HNRNPA3: variants seen among roughly 807,000 people sequenced by gnomAD.
HNRNPA3 encodes epididymis secretory sperm binding protein.
In HNRNPA3, 3 loss-of-function variants were observed where a neutral mutation model predicts 45.8. That is an observed-to-expected ratio of 0.07 (90% confidence interval 0.03 to 0.17). HNRNPA3 has a LOEUF of 0.17. Among genes scored for constraint, HNRNPA3 ranks in the 10% least tolerant of loss-of-function variants. HNRNPA3 has a pLI of 1.00. For missense variants in HNRNPA3, 183 were observed against 480.3 expected (o/e 0.38, Z 5.79); for synonymous variants, 170 against 155.6 (o/e 1.09, Z -0.69).
chr2:177,213,012 G>A, intron 1 of HNRNPA3, 141 bp downstream of exon 1: 2 of 532,964 alleles, frequency 3.8e-6, no homozygotes, highest in Non-Finnish European at 6.3e-6. Flanking sequence ...GGAGGGGAGC[G>A]AGAGTTGGAG....
chr2:177,216,098 A>G (rs1688920799), exon 4 of HNRNPA3: 1 of 1,561,330 alleles, frequency 6.4e-7, no homozygotes, highest in Non-Finnish European at 8.7e-7. Context: ...GATTGAAACC[A>G]TAGAAGTTAT....
At chr2:177,215,385 G>A (rs935541647) in intron 1 of HNRNPA3, among the ~76,000 whole-genome samples, 154 bp from the exon 2 acceptor site, 3 of 152,156 alleles carry the variant, frequency 2.0e-5, no homozygotes, top group Admixed American at 6.6e-5. Flanking sequence ...ATGAGACATC[G>A]CGCCGGTGTC....
exon 7 of HNRNPA3, chr2:177,216,892 GGTA>G: frequency 6.2e-7 from 1 of 1,601,438 alleles, no homozygotes; most frequent in Non-Finnish European, 8.5e-7. Flanking sequence ...TGGCAGCAGA[GGTA>G]GTTATGGAGG....
chr2:177,216,495 A>T lies in HNRNPA3; in HGVS notation c.554-8A>T. On this transcript the variant is annotated splice_polypyrimidine_tract_variant and splice_region_variant and intron_variant, in intron 4 of 10. Coordinates refer to ENST00000392524, the Ensembl canonical transcript of HNRNPA3. ...CTTTTTGTTTTGTTTGATTGAAAAA[A>T]AATTTAGTTCAGAAATACCACACTA... 1.2e-6 allele frequency: 2 copies of T among 1,608,016 alleles called. No individual in the cohort carries two copies. Among genetic ancestry groups the T allele is most frequent in the Non-Finnish European group, 1.7e-6 (2 of 1,176,634 alleles).
At chr2:177,215,397 G>T in intron 1 of HNRNPA3, 142 bp from the exon 2 acceptor site, 1 of 859,576 alleles carries the variant, frequency 1.2e-6, no homozygotes, top group Non-Finnish European at 1.8e-6. Context: ...GCCGGTGTCT[G>T]GTCAAAGTTT....
intron 1 of HNRNPA3, 51 bp from the exon 2 acceptor site, chr2:177,215,488 C>G (rs765069742): frequency 6.3e-7 from 1 of 1,585,346 alleles, no homozygotes; most frequent in Admixed American, 1.7e-5. Context: ...CTTCGTGCAT[C>G]TTAATTCATC....
downstream of HNRNPA3, chr2:177,220,899 ATG>A (rs1689163728): frequency 6.6e-6 from 1 of 152,590 alleles, no homozygotes; most frequent in Non-Finnish European, 1.5e-5. Context: ...AGCCCTGAGT[ATG>A]TGCCCTGCTG....
Position 177,216,490 on chromosome 2 carries a change from A to G in HNRNPA3, c.554-13A>G. On this transcript the variant is annotated splice_polypyrimidine_tract_variant and intron_variant, in intron 4 of 10. Coordinates refer to ENST00000392524, the Ensembl canonical transcript of HNRNPA3. The stretch of plus-strand genomic sequence containing the variant: ...AATAACTTTTTGTTTTGTTTGATTG[A>G]AAAAAAATTTAGTTCAGAAATACCA... 2 of 1,591,608 alleles carry G rather than the reference A, an allele frequency of 1.3e-6. 1 individual carries two copies. The highest frequency in any genetic ancestry group is 1.7e-6 in the Non-Finnish European group (2 of 1,162,858).
chr2:177,216,475 T>C (rs753026676), intron 4 of HNRNPA3, 28 bp from the exon 5 acceptor site: 7 of 1,532,052 alleles, frequency 4.6e-6, no homozygotes, highest in Non-Finnish European at 6.3e-6. Flanking sequence ...AATAACTTTT[T>C]GTTTTGTTTG....
At chr2:177,223,209 G>A (rs570719107), downstream of HNRNPA3, 8 of 152,214 alleles carry the variant, frequency 5.3e-5, no homozygotes, top group Middle Eastern at 3.4e-3. Context: ...CAATTTCTAC[G>A]CGTGTTGAAT....
intron 7 of HNRNPA3, among the ~76,000 whole-genome samples, chr2:177,217,480 A>G (rs909886355): frequency 3.3e-5 from 5 of 152,322 alleles, no homozygotes; most frequent in African/African-American, 1.2e-4. Flanking sequence ...AGAAAAATAA[A>G]ATAGGGGAAC....
At chr2:177,220,222 C>T (rs191872996), downstream of HNRNPA3, 30 of 152,732 alleles carry the variant, frequency 2.0e-4, no homozygotes, top group African/African-American at 7.0e-4. Context: ...TAGAACATCT[C>T]TATTCTACAT....
chr2:177,213,955 A>G (rs999256901), intron 1 of HNRNPA3, among the ~76,000 whole-genome samples: 6 of 152,254 alleles, frequency 3.9e-5, no homozygotes, highest in Non-Finnish European at 8.8e-5. Flanking sequence ...AGATTACATG[A>G]ATTAATGCTT....
intron 1 of HNRNPA3, among the ~76,000 whole-genome samples, chr2:177,215,171 T>C (rs1688878893): frequency 6.6e-6 from 1 of 152,112 alleles, no homozygotes; most frequent in Non-Finnish European, 1.5e-5. Flanking sequence ...GACATGATCT[T>C]GGCTCACCGC....
chr2:177,217,075 G>A, intron 7 of HNRNPA3, 135 bp downstream of exon 7: 8 of 935,688 alleles, frequency 8.5e-6, no homozygotes, highest in Non-Finnish European at 1.2e-5. Context: ...ACTGTACATG[G>A]AAGAACAGGA....
downstream of HNRNPA3, chr2:177,221,225 A>G (rs888647107): frequency 3.9e-5 from 6 of 152,694 alleles, no homozygotes; most frequent in African/African-American, 1.4e-4. Flanking sequence ...TAAGTCCTAA[A>G]TAACTTCAAG....
At chr2:177,223,062 A>C (rs1471637143), downstream of HNRNPA3, 1 of 152,544 alleles carries the variant, frequency 6.6e-6, no homozygotes. Flanking sequence ...CGGATAGTTT[A>C]CTTAAAAAAA....
At chr2:177,222,217 C>T (rs1019439016), downstream of HNRNPA3, 1 of 152,540 alleles carries the variant, frequency 6.6e-6, no homozygotes, top group African/African-American at 2.4e-5. Flanking sequence ...AACTTTGTCC[C>T]TCTCTAGTAG....
At chr2:177,212,967 C>G (rs1366844957) in intron 1 of HNRNPA3, 96 bp downstream of exon 1, 9 of 816,406 alleles carry the variant, frequency 1.1e-5, no homozygotes, top group Non-Finnish European at 1.4e-5. Context: ...GGTCGGCCGT[C>G]CCGCGCTCTT....
Sources: allele counts gnomAD v4.1 joint callset (sites outside exome capture counted in the v4.1 genomes callset), GRCh38; gene constraint gnomAD v4.1.1; transcripts MANE v1.5; gene names NCBI Gene and HGNC (gene_info 2026-07-23, HGNC 2026-07-21).